The following CATSPERE variants were observed in gnomAD, a reference collection of about 807,000 sequenced individuals.
CATSPERE encodes cation channel sperm-associated auxiliary subunit epsilon.
In CATSPERE, 93 loss-of-function variants were observed where a neutral mutation model predicts 114.1. The ratio of observed to expected loss-of-function variants is 0.81; its 90% CI spans 0.69 to 0.97. The LOEUF is 0.97. Ranked by LOEUF, CATSPERE falls within the 50% of genes least tolerant of loss-of-function variation. CATSPERE has a pLI of 0.00. For synonymous variants in CATSPERE, 341 were observed against 384.1 expected, an observed-to-expected ratio of 0.89 and a Z score of 1.31; for missense variants, 1,058 against 1,131.6, an observed-to-expected ratio of 0.93 and a Z score of 0.93.
intron 2 of CATSPERE, among the ~76,000 whole-genome samples, chr1:244,465,128 C>T (rs1253829906): frequency 1.3e-5 from 2 of 151,800 alleles, no homozygotes; most frequent in Admixed American, 6.6e-5. Flanking sequence ...CTCTGCCTCC[C>T]GGGTTCAAGC....
At chr1:244,538,651 C>T (rs1000733152) in intron 8 of CATSPERE, among the ~76,000 whole-genome samples, 8 of 152,218 alleles carry the variant, frequency 5.3e-5, no homozygotes, top group East Asian at 1.9e-4. Flanking sequence ...GATCATGTTA[C>T]GTGTCTCCCA....
intron 8 of CATSPERE, among the ~76,000 whole-genome samples, chr1:244,531,380 G>A (rs954157284): frequency 2.0e-5 from 3 of 152,050 alleles, no homozygotes; most frequent in African/African-American, 7.2e-5. Flanking sequence ...AATAACAGTA[G>A]TGAAAGTGGA....
intron 9 of CATSPERE, among the ~76,000 whole-genome samples, chr1:244,558,120 T>A (rs1267046840): frequency 6.7e-6 from 1 of 148,266 alleles, no homozygotes; most frequent in Non-Finnish European, 1.5e-5. Context: ...CCAGGCCCAA[T>A]TATTTCTCTC....
At chr1:244,627,937 A>T (rs1249384847) in intron 20 of CATSPERE, among the ~76,000 whole-genome samples, 1 of 152,206 alleles carries the variant, frequency 6.6e-6, no homozygotes, top group East Asian at 1.9e-4. Context: ...TGGGATGTGA[A>T]TGATCTCTTT....
In CATSPERE at chr1:244,593,427, T is replaced by C. The variant is rs1348272801; in HGVS notation, c.2222T>C (p.Leu741Ser). Residue 741 changes from leucine (L) to serine (S), a missense_variant and splice_region_variant, in exon 16 of 22, where the codon TTG (leucine) becomes TCG (serine). Coordinates refer to ENST00000366534, the MANE Select transcript of CATSPERE (RefSeq NM_001130957.2). ...SYLRHQPSKN[L>S]RVRYIWGEYG... ...CTGAGGCATCAGCCATCGAAAAACT[T>C]GGTAAGAAAATGATAAAATTCTGTC... The C allele has an allele frequency of 6.2e-7, 1 of 1,613,438 alleles. No individual in the cohort carries two copies. The highest frequency in any genetic ancestry group is 8.5e-7 in the Non-Finnish European group (1 of 1,179,956).
chr1:244,481,193 G>C lies in CATSPERE; in HGVS notation c.326+1409G>C, dbSNP rs763939283. The stretch of plus-strand genomic sequence containing the variant: ...AGGCCAGGCACAGTGGCTCACACCT[G>C]TAATCCCAGCATTTTGGGAGGCCAG... On this transcript the variant is annotated intron_variant, in intron 5 of 21. Coordinates refer to ENST00000366534, the MANE Select transcript of CATSPERE (RefSeq NM_001130957.2). 4.6e-4 allele frequency among the ~76,000 whole-genome samples: 70 copies of C among 152,190 alleles called. 3 individuals are homozygous for C. Among genetic ancestry groups the C allele is most frequent in the Non-Finnish European group, 8.8e-5 (6 of 68,040 alleles).
intron 18 of CATSPERE, 94 bp from the exon 19 acceptor site, chr1:244,610,146 C>G: frequency 1.3e-6 from 1 of 785,684 alleles, no homozygotes; most frequent in Non-Finnish European, 2.0e-6. Context: ...TTTAAAAATA[C>G]AAAATTTTCA....
intron 8 of CATSPERE, among the ~76,000 whole-genome samples, chr1:244,543,614 TCTTTA>T (rs1659231258): frequency 7.2e-6 from 1 of 138,876 alleles, no homozygotes. Flanking sequence ...ATGTATTTTA[TCTTTA>T]TTTTAAATTT....
At chr1:244,519,412 A>T (rs1677161229) in intron 8 of CATSPERE, among the ~76,000 whole-genome samples, 1 of 152,232 alleles carries the variant, frequency 6.6e-6, no homozygotes. Context: ...AGGTCCTCAA[A>T]TAATGTTCAT....
intron 20 of CATSPERE, among the ~76,000 whole-genome samples, chr1:244,627,541 C>CAG (rs1673362676): frequency 6.6e-6 from 1 of 151,970 alleles, no homozygotes; most frequent in Non-Finnish European, 1.5e-5. Context: ...TGCCACTGCC[C>CAG]TCTAGCCTGG....
intron 17 of CATSPERE, among the ~76,000 whole-genome samples, chr1:244,593,792 G>A (rs1225799220): frequency 1.3e-5 from 2 of 152,152 alleles, no homozygotes; most frequent in Non-Finnish European, 2.9e-5. Flanking sequence ...AAATTTCAAT[G>A]GGTAAGAGAG....
At position 244,557,832 on chromosome 1, in the gene CATSPERE, C is replaced by T. The variant is rs555781360; in HGVS notation, c.1030-2836C>T. Among the ~76,000 whole-genome samples, 191 of 151,624 alleles carry T rather than the reference C, an allele frequency of 1.3e-3. 2 individuals carry two copies. Among genetic ancestry groups the T allele is most frequent in the African/African-American group, 4.3e-3 (177 of 41,408 alleles). On this transcript the variant is annotated intron_variant, in intron 9 of 21. Coordinates refer to ENST00000366534, the MANE Select transcript of CATSPERE (RefSeq NM_001130957.2). ...CCTGTATGAGACCATTTAATATTGT[C>T]TCATAGATCTCAGATGACCTGCTCG...
intron 17 of CATSPERE, among the ~76,000 whole-genome samples, chr1:244,604,784 T>A (rs1417589581): frequency 2.6e-5 from 4 of 152,224 alleles, no homozygotes; most frequent in Admixed American, 2.6e-4. Flanking sequence ...AGAATTGAAC[T>A]TTTAGCTCTG....
rs1012433754 is a variant in CATSPERE at position 244,608,413 on chromosome 1, G to A, written c.2404-1827G>A. 2.0e-5 allele frequency among the ~76,000 whole-genome samples: 3 copies of A among 151,966 alleles called. No homozygotes were observed. The South Asian group carries it at 6.2e-4, about 32-fold the overall frequency. On this transcript the variant is annotated intron_variant, in intron 18 of 21. Coordinates refer to ENST00000366534, the MANE Select transcript of CATSPERE (RefSeq NM_001130957.2). Reference sequence around the variant, plus strand: ...TAGCCAGGTGTGGTGATGCACACCTGTAGTCCTAGCTACTCAGGAGGCTGA... The same window carrying A: ...TAGCCAGGTGTGGTGATGCACACCTATAGTCCTAGCTACTCAGGAGGCTGA...
At chr1:244,572,123 C>G (rs1664555684) in intron 10 of CATSPERE, among the ~76,000 whole-genome samples, 1 of 152,042 alleles carries the variant, frequency 6.6e-6, no homozygotes, top group African/African-American at 2.4e-5. Flanking sequence ...ATATAGTATT[C>G]AAGAAGAAAA....
intron 19 of CATSPERE, among the ~76,000 whole-genome samples, chr1:244,616,087 C>A (rs989475924): frequency 3.9e-5 from 6 of 152,056 alleles, no homozygotes; most frequent in African/African-American, 1.4e-4. Flanking sequence ...TGTGATCATG[C>A]CACTGAACTC....
chr1:244,536,490 C>T (rs1460472951), intron 8 of CATSPERE, among the ~76,000 whole-genome samples: 4 of 152,196 alleles, frequency 2.6e-5, no homozygotes, highest in African/African-American at 7.2e-5. Flanking sequence ...GTTCCCTCTG[C>T]GGGCGTCATC....
intron 13 of CATSPERE, among the ~76,000 whole-genome samples, chr1:244,588,193 C>CAA (rs34464391): frequency 9.3e-6 from 1 of 107,950 alleles, no homozygotes. Context: ...GACTTCATCT[C>CAA]AAAAAAAAAA....
chr1:244,490,375 T>C (rs939250589), intron 5 of CATSPERE, 72 bp from the exon 6 acceptor site: 2 of 1,025,724 alleles, frequency 1.9e-6, no homozygotes, highest in Admixed American at 4.2e-5. Context: ...AACATGTATC[T>C]TGAAAGTAGA....
Sources: allele counts gnomAD v4.1 joint callset (sites outside exome capture counted in the v4.1 genomes callset), GRCh38; gene constraint gnomAD v4.1.1; transcripts MANE v1.5; gene names NCBI Gene and HGNC (gene_info 2026-07-23, HGNC 2026-07-21).